PRKAR2B: variants seen among roughly 807,000 people sequenced by gnomAD.
PRKAR2B encodes cAMP-dependent protein kinase type II-beta regulatory subunit.
In PRKAR2B, 14 loss-of-function variants were observed where a neutral mutation model predicts 49.9. The observed-to-expected ratio is 0.28, with a 90% CI of 0.19 to 0.44. PRKAR2B has a LOEUF of 0.44. PRKAR2B is among the 20% of genes least tolerant of loss of function. PRKAR2B has a pLI of 1.00. For synonymous variants in PRKAR2B, 196 were observed against 197.7 expected (o/e 0.99, Z 0.07); for missense variants, 393 against 537.9 (o/e 0.73, Z 2.67).
intron 2 of PRKAR2B, among the ~76,000 whole-genome samples, chr7:107,093,663 C>G (rs576325669): frequency 8.1e-6 from 1 of 123,434 alleles, no homozygotes; most frequent in African/African-American, 3.0e-5. Flanking sequence ...TCTCGCCCCT[C>G]CCCCCACCCC....
intron 1 of PRKAR2B, among the ~76,000 whole-genome samples, chr7:107,055,397 C>T (rs1319334547): frequency 6.6e-6 from 1 of 152,198 alleles, no homozygotes; most frequent in Non-Finnish European, 1.5e-5. Flanking sequence ...CACTGACTTC[C>T]ACAATGGTTG....
intron 4 of PRKAR2B, among the ~76,000 whole-genome samples, chr7:107,137,031 T>C (rs1025886345): frequency 3.3e-5 from 5 of 152,130 alleles, no homozygotes; most frequent in Admixed American, 3.3e-4. Flanking sequence ...TAATACTAAG[T>C]GAAAGAAGCC....
intron 6 of PRKAR2B, among the ~76,000 whole-genome samples, chr7:107,147,647 C>T (rs1341073696): frequency 2.0e-5 from 3 of 152,170 alleles, no homozygotes; most frequent in South Asian, 4.1e-4. Context: ...TCATCAGCTC[C>T]CAGGAGATGG....
In PRKAR2B at chr7:107,120,013, G is replaced by T. The variant is rs118046961; in HGVS notation, c.344-1939G>T. ...CAAGACACACAATCCTGGATAAAAC[G>T]TGGGTCCTGTCACTTACTAGGATGT... On this transcript the variant is annotated intron_variant, in intron 2 of 10. Transcript: ENST00000265717. Among the ~76,000 whole-genome samples, 345 of 152,252 alleles carry T rather than the reference G, an allele frequency of 2.3e-3. 1 individual carries two copies. Among genetic ancestry groups the T allele is most frequent in the Non-Finnish European group, 3.8e-3 (259 of 68,002 alleles).
intron 1 of PRKAR2B, among the ~76,000 whole-genome samples, chr7:107,067,732 A>G (rs966731782): frequency 5.3e-5 from 8 of 152,238 alleles, no homozygotes; most frequent in African/African-American, 1.9e-4. Flanking sequence ...TCCAAATACC[A>G]TAAGGAGCAT....
chr7:107,132,022 A>T (rs922429781), intron 4 of PRKAR2B, among the ~76,000 whole-genome samples: 1 of 152,222 alleles, frequency 6.6e-6, no homozygotes, highest in Admixed American at 6.5e-5. Flanking sequence ...TGAGAGTACA[A>T]ACACATCTGC....
chr7:107,081,789 C>T (rs1258327514), intron 2 of PRKAR2B: 1 of 152,192 alleles, frequency 6.6e-6, no homozygotes, highest in South Asian at 2.1e-4. Context: ...AAAGAAGGGG[C>T]CTTTCACTTG....
intron 2 of PRKAR2B, among the ~76,000 whole-genome samples, chr7:107,114,101 T>A (rs1038864156): frequency 3.3e-5 from 5 of 152,186 alleles, no homozygotes; most frequent in African/African-American, 9.7e-5. Flanking sequence ...GAATGCATAC[T>A]TGTAGAGCAT....
At chr7:107,090,976 A>G (rs977391620) in intron 2 of PRKAR2B, among the ~76,000 whole-genome samples, 2 of 152,252 alleles carry the variant, frequency 1.3e-5, no homozygotes, top group African/African-American at 2.4e-5. Flanking sequence ...AAGTTTTTCA[A>G]AGAGATAAAG....
At chr7:107,073,254 TAC>T (rs1794318948) in intron 2 of PRKAR2B, among the ~76,000 whole-genome samples, 1 of 152,218 alleles carries the variant, frequency 6.6e-6, no homozygotes, top group Non-Finnish European at 1.5e-5. Flanking sequence ...GCTTAACAAA[TAC>T]ATTCTTTAGG....
intron 6 of PRKAR2B, among the ~76,000 whole-genome samples, chr7:107,147,898 A>G (rs953614784): frequency 3.9e-5 from 6 of 152,342 alleles, no homozygotes; most frequent in African/African-American, 1.4e-4. Context: ...GTCACACATT[A>G]TTTAGTCACA....
chr7:107,084,151 T>C (rs1313079165), intron 2 of PRKAR2B, among the ~76,000 whole-genome samples: 1 of 152,230 alleles, frequency 6.6e-6, no homozygotes, highest in Non-Finnish European at 1.5e-5. Flanking sequence ...AGGCAATTTG[T>C]AGTACCAGCA....
At position 107,104,851 on chromosome 7, in the gene PRKAR2B, C is replaced by G. The variant is rs74844237; in HGVS notation, c.344-17101C>G. ...CGAATCAGTTATCATTTTCAGGGGT[C>G]AATATTGTGTAAGAATTAGGAGCTA... On this transcript the variant is annotated intron_variant, in intron 2 of 10. Transcript: ENST00000265717. Among the ~76,000 whole-genome samples, 94 of 152,158 alleles carry G rather than the reference C, an allele frequency of 6.2e-4. 1 individual carries two copies. The East Asian group carries it at 0.017, about 27-fold the overall frequency.
At chr7:107,151,240 C>T (rs573841994) in intron 7 of PRKAR2B, among the ~76,000 whole-genome samples, 8 of 152,290 alleles carry the variant, frequency 5.3e-5, no homozygotes, top group Admixed American at 5.2e-4. Context: ...TACATTCCTA[C>T]CCAGCATCTA....
At chr7:107,121,672 G>C (rs1795391951) in intron 2 of PRKAR2B, among the ~76,000 whole-genome samples, 4 of 152,020 alleles carry the variant, frequency 2.6e-5, no homozygotes, top group Admixed American at 2.6e-4. Context: ...TAGATATCAT[G>C]CCTTGGAAAT....
chr7:107,114,776 C>T (rs1795241001), intron 2 of PRKAR2B, among the ~76,000 whole-genome samples: 1 of 151,934 alleles, frequency 6.6e-6, no homozygotes, highest in Non-Finnish European at 1.5e-5. Context: ...ATACCCTTCC[C>T]AATAGTGTCC....
intron 1 of PRKAR2B, among the ~76,000 whole-genome samples, chr7:107,050,333 CTTTTTT>C (rs57752789): frequency 1.5e-5 from 1 of 68,582 alleles, no homozygotes. Flanking sequence ...CAGTTACCAG[CTTTTTT>C]TTTTTTTTTT....
chr7:107,062,755 T>C (rs1259961732), intron 1 of PRKAR2B, among the ~76,000 whole-genome samples: 9 of 152,170 alleles, frequency 5.9e-5, no homozygotes, highest in Non-Finnish European at 1.5e-5. Flanking sequence ...TTTTTCCACA[T>C]TTTATTGAGA....
At chr7:107,096,011 G>T (rs574339237) in intron 2 of PRKAR2B, among the ~76,000 whole-genome samples, 1 of 152,252 alleles carries the variant, frequency 6.6e-6, no homozygotes, top group South Asian at 2.1e-4. Flanking sequence ...GATGATGCTG[G>T]CCTCATAAAA....
Sources: gnomAD v4.1 joint callset for allele counts (sites outside exome capture counted in the v4.1 genomes callset) on GRCh38, gnomAD v4.1.1 for gene constraint, MANE v1.5 for transcripts, NCBI Gene and HGNC (gene_info 2026-07-23, HGNC 2026-07-21) for gene names.